The following PCDHGA4 variants were observed in gnomAD, a reference collection of about 807,000 sequenced individuals.
The protein encoded by PCDHGA4 is protocadherin gamma-A4.
PCDHGA4 carries 38 observed loss-of-function variants against 54.6 expected under a neutral mutation model. That is an observed-to-expected ratio of 0.70 (90% confidence interval 0.54 to 0.91). The LOEUF (loss-of-function observed/expected upper bound fraction) is 0.91, where lower values mean the gene tolerates loss of function less well. PCDHGA4 is among the 40% of genes least tolerant of loss of function. The probability of loss-of-function intolerance (pLI) is 0.00; values close to 1 mark genes in which losing one functional copy is unlikely to be tolerated. For missense variants in PCDHGA4, 1,298 were observed against 1,220.9 expected (o/e 1.06, Z -0.94); for synonymous variants, 511 against 512.9 (o/e 1.00, Z 0.05).
Position 141,485,011 on chromosome 5 carries a change from C to G in PCDHGA4, c.2515-9796C>G, listed in dbSNP as rs2099605048. 3.2e-6 allele frequency: 2 copies of G among 631,064 alleles called. No homozygotes were observed. The highest frequency in any genetic ancestry group is 5.5e-5 in the East Asian group (2 of 36,662). The allele number at this position is 631,064 out of a possible 1,614,324, so 39.1% of individuals were successfully genotyped here. A position where few individuals can be genotyped will look rare whatever the true frequency, so the allele number is the denominator to read the frequency against. Reference sequence around the variant, plus strand: ...TGGTGAAAGGCAGACAAATCTACCCCGCCACCAGCAAAAACGGCGCGTAAC... The same window carrying G: ...TGGTGAAAGGCAGACAAATCTACCCGGCCACCAGCAAAAACGGCGCGTAAC... On this transcript the variant is annotated intron_variant, in intron 1 of 3. Coordinates refer to ENST00000571252, the MANE Select transcript of PCDHGA4 (RefSeq NM_018917.4). This position sits in a 1 kb window ranked among gnomAD's most constrained non-coding sequence, Gnocchi z 5.7.
Position 141,491,756 on chromosome 5 carries a change from C to T in PCDHGA4, c.2515-3051C>T. The T allele has an allele frequency of 1.3e-6, 2 of 1,581,720 alleles. No individual in the cohort carries two copies. Among genetic ancestry groups the T allele is most frequent in the Non-Finnish European group, 8.6e-7 (1 of 1,165,100 alleles). ...CCTGGGGGCGGCACTGGAGAAGCCG[C>T]CCGTCCTCATAAGGGATTGAACTTG... On this transcript the variant is annotated intron_variant, in intron 1 of 3. Coordinates refer to ENST00000571252, the MANE Select transcript of PCDHGA4 (RefSeq NM_018917.4). This position sits in a 1 kb window ranked among gnomAD's most constrained non-coding sequence, Gnocchi z 6.9.
intron 2 of PCDHGA4, among the ~76,000 whole-genome samples, chr5:141,496,628 C>T (rs928402582): frequency 2.0e-5 from 3 of 152,212 alleles, no homozygotes; most frequent in Non-Finnish European, 2.9e-5. Flanking sequence ...GATCAAAAGG[C>T]TTGGGCTGCC....
At chr5:141,383,515 C>G (rs749503295) in intron 1 of PCDHGA4, 1 of 1,612,350 alleles carries the variant, frequency 6.2e-7, no homozygotes, top group Non-Finnish European at 8.5e-7. Flanking sequence ...GGAGGAAGAG[C>G]GGGTTCACCA....
In PCDHGA4 at chr5:141,505,471, G is replaced by A. The variant is rs766596231; in HGVS notation, c.2652G>A (p.Ala884=). The A allele has an allele frequency of 3.4e-5, 55 of 1,614,244 alleles. No individual in the cohort carries two copies. The highest frequency in any genetic ancestry group is 1.1e-4 in the East Asian group (5 of 44,880). ...AGATGCTGCAAGCCATGATCTTGGCGTCCGCCAGTGGTAAGTGGTGTCAGT... is the reference window on the plus strand; with the variant it reads ...AGATGCTGCAAGCCATGATCTTGGCATCCGCCAGTGGTAAGTGGTGTCAGT... ...DTEMLQAMIL[A]SASEAADGSS... Residue 884 remains alanine (A), a synonymous_variant, in exon 3 of 4, where the codon GCG becomes GCA. Coordinates refer to ENST00000571252, the MANE Select transcript of PCDHGA4 (RefSeq NM_018917.4).
At chr5:141,385,000 T>C (rs1271412814) in intron 1 of PCDHGA4, 1 of 1,614,138 alleles carries the variant, frequency 6.2e-7, no homozygotes, top group South Asian at 1.1e-5. Flanking sequence ...GGCCACAGTC[T>C]CCTGCGTCTT....
chr5:141,420,547 G>A (rs898726649), intron 1 of PCDHGA4: 1 of 278,678 alleles, frequency 3.6e-6, no homozygotes, highest in Non-Finnish European at 6.4e-6. Context: ...TAAAATACAG[G>A]TATATTTTTA....
intron 1 of PCDHGA4, chr5:141,398,688 T>C: frequency 1.2e-6 from 2 of 1,613,938 alleles, no homozygotes; most frequent in South Asian, 2.2e-5. Flanking sequence ...AGAAACAGGA[T>C]GGTAGTAAAT....
At chr5:141,422,959 C>A in intron 1 of PCDHGA4, 1 of 1,614,234 alleles carries the variant, frequency 6.2e-7, no homozygotes, top group South Asian at 1.1e-5. Context: ...TGGCGTGGAG[C>A]TGGCGCCCCG....
In PCDHGA4 at chr5:141,476,650, A is replaced by G. The variant is rs2099395609; in HGVS notation, c.2515-18157A>G. 6.2e-7 allele frequency: 1 copy of G among 1,614,126 alleles called. No individual in the cohort carries two copies. The highest frequency in any genetic ancestry group is 1.3e-5 in the African/African-American group (1 of 74,952). On this transcript the variant is annotated intron_variant, in intron 1 of 3. Transcript: ENST00000571252. This position sits in a 1 kb window ranked among gnomAD's most constrained non-coding sequence, Gnocchi z 7.6. Reference sequence around the variant, plus strand: ...AAACCTATGAGCTGAGCCGAAATGAATACTTTGCGCTTCGCGTGCAGACGC... The same window carrying G: ...AAACCTATGAGCTGAGCCGAAATGAGTACTTTGCGCTTCGCGTGCAGACGC...
At position 141,511,572 on chromosome 5, in the gene PCDHGA4, T is replaced by C. The variant is rs1366960269; in HGVS notation, c.*399T>C. The C allele has an allele frequency of 1.0e-5, 3 of 289,550 alleles. No homozygotes were observed. The East Asian group carries it at 2.4e-4, about 23-fold the overall frequency. 17.9% of individuals were successfully genotyped at this position (289,550 alleles called of 1,614,324 possible). ...AACAGTTCCTCTTTCCCGAGTAAGG[T>C]GGTTGGGGTGTTGAAGTACCAAGTA... On this transcript the variant is annotated 3_prime_UTR_variant, in exon 4 of 4. Coordinates refer to ENST00000571252, the MANE Select transcript of PCDHGA4 (RefSeq NM_018917.4).
chr5:141,399,753 G>T (rs1418820057), intron 1 of PCDHGA4: 8 of 1,613,370 alleles, frequency 5.0e-6, no homozygotes, highest in Non-Finnish European at 6.8e-6. Context: ...GCGCAAACGT[G>T]AGCCTGCGCG....
At chr5:141,469,312 C>T (rs1387258560) in intron 1 of PCDHGA4, among the ~76,000 whole-genome samples, 2 of 152,064 alleles carry the variant, frequency 1.3e-5, no homozygotes, top group Non-Finnish European at 2.9e-5. Flanking sequence ...CACGATGGCT[C>T]ACGCCTGTAA....
chr5:141,383,253 T>C (rs563605516), intron 1 of PCDHGA4: 4 of 1,613,928 alleles, frequency 2.5e-6, no homozygotes, highest in Middle Eastern at 1.6e-4. Context: ...ATCTTTACCC[T>C]ATAGACGTGG....
Position 141,409,903 on chromosome 5 carries a change from G to C in PCDHGA4, c.2514+52282G>C, listed in dbSNP as rs570063514. 6.2e-6 allele frequency: 10 copies of C among 1,613,268 alleles called. No individual in the cohort carries two copies. The South Asian group carries it at 9.9e-5, about 16-fold the overall frequency. ...CACCGCGGGTGCTGTACCCAGCTCTGGGTCCTGACGGCTCCGCGTTCTTCG... is the reference window on the plus strand; with the variant it reads ...CACCGCGGGTGCTGTACCCAGCTCTCGGTCCTGACGGCTCCGCGTTCTTCG... On this transcript the variant is annotated intron_variant, in intron 1 of 3. Coordinates refer to ENST00000571252, the MANE Select transcript of PCDHGA4 (RefSeq NM_018917.4).
Position 141,410,082 on chromosome 5 carries a change from G to A in PCDHGA4, c.2514+52461G>A, listed in dbSNP as rs780485949. 1.6e-5 allele frequency: 25 copies of A among 1,612,386 alleles called. No individual in the cohort carries two copies. The Admixed American group carries it at 3.8e-4, about 25-fold the overall frequency. On this transcript the variant is annotated intron_variant, in intron 1 of 3. Transcript: ENST00000571252. ...CTGGGGCTGCGCACTGGGGAGGTGC[G>A]CACGGCTCGAGCCTTAGGCGACAGG... is the stretch of plus-strand genomic sequence containing the variant.
chr5:141,503,181 A>C (rs532503504), intron 2 of PCDHGA4, among the ~76,000 whole-genome samples: 54 of 152,060 alleles, frequency 3.6e-4, no homozygotes, highest in African/African-American at 1.3e-3. Context: ...TCTATTGTGT[A>C]ATTATTTAAA....
At chr5:141,446,767 G>A (rs891355909) in intron 1 of PCDHGA4, among the ~76,000 whole-genome samples, 12 of 152,118 alleles carry the variant, frequency 7.9e-5, no homozygotes, top group Non-Finnish European at 1.2e-4. Flanking sequence ...GCGCCCAGCC[G>A]GTTACCATTC....
chr5:141,433,587 G>A (rs1228017153), intron 1 of PCDHGA4, among the ~76,000 whole-genome samples: 1 of 152,068 alleles, frequency 6.6e-6, no homozygotes, highest in African/African-American at 2.4e-5. Flanking sequence ...TGTAATCCCA[G>A]TACTTTGGGA....
chr5:141,451,606 G>A (rs2098720118), intron 1 of PCDHGA4, among the ~76,000 whole-genome samples: 1 of 152,152 alleles, frequency 6.6e-6, no homozygotes, highest in Admixed American at 6.5e-5. Flanking sequence ...ACAAGGCTAG[G>A]CATGGTGGCT....
Sources: gnomAD v4.1 joint callset for allele counts (sites outside exome capture counted in the v4.1 genomes callset) on GRCh38, gnomAD v4.1.1 for gene constraint, Gnocchi (gnomAD v3.1) non-coding constraint, MANE v1.5 for transcripts, NCBI Gene and HGNC (gene_info 2026-07-23, HGNC 2026-07-21) for gene names.